Variants in NWD2 observed in about 807,000 individuals in gnomAD.
NWD2 encodes NACHT and WD repeat domain-containing protein 2.
NWD2 carries 37 observed loss-of-function variants against 132.7 expected under a neutral mutation model. The observed-to-expected ratio is 0.28, with a 90% CI of 0.21 to 0.37. NWD2 has a LOEUF of 0.37. NWD2 is among the 10% of genes least tolerant of loss of function. The pLI, the probability that NWD2 is intolerant of heterozygous loss-of-function variation, is 1.00. For missense variants in NWD2, 1,592 were observed against 2,122.4 expected, an observed-to-expected ratio of 0.75 and a Z score of 4.91; for synonymous variants, 705 against 803.0, an observed-to-expected ratio of 0.88 and a Z score of 2.06.
intron 1 of NWD2, among the ~76,000 whole-genome samples, chr4:37,302,329 T>A (rs1393285407): frequency 6.6e-6 from 1 of 150,566 alleles, no homozygotes; most frequent in African/African-American, 2.4e-5. Context: ...CTATTGAGTA[T>A]ATTTACCATA....
intron 3 of NWD2, among the ~76,000 whole-genome samples, chr4:37,426,568 T>C (rs1712013591): frequency 6.6e-6 from 1 of 152,240 alleles, no homozygotes; most frequent in Admixed American, 6.5e-5. Flanking sequence ...TAAATAGCTC[T>C]TGATTTTTGA....
intron 1 of NWD2, among the ~76,000 whole-genome samples, chr4:37,275,254 G>A (rs1330243113): frequency 2.6e-5 from 4 of 152,014 alleles, no homozygotes; most frequent in Admixed American, 6.6e-5. Flanking sequence ...AAATCAATGT[G>A]CAAAAATCAC....
intron 3 of NWD2, among the ~76,000 whole-genome samples, chr4:37,417,199 AAT>A (rs1200407656): frequency 1.3e-5 from 2 of 152,192 alleles, no homozygotes; most frequent in African/African-American, 4.8e-5. Context: ...TTAGTATGGT[AAT>A]ATTTATAAAA....
chr4:37,305,785 C>T (rs994286122), intron 1 of NWD2, among the ~76,000 whole-genome samples: 1 of 152,026 alleles, frequency 6.6e-6, no homozygotes, highest in Admixed American at 6.6e-5. Flanking sequence ...CTGTAGTTTT[C>T]TTTTTTGGCT....
rs559541552 is a variant in NWD2 at position 37,412,762 on chromosome 4, G to C, written c.358-17810G>C. ...AAGGCTACAGTAACCAAAACAGCAT[G>C]TTACTGTTACCAAAACAGATATATA... is the stretch of plus-strand genomic sequence containing the variant. On this transcript the variant is annotated intron_variant, in intron 3 of 6. Transcript: ENST00000309447. 2.0e-5 allele frequency among the ~76,000 whole-genome samples: 3 copies of C among 152,324 alleles called. No homozygotes were observed. In the East Asian group the frequency reaches 5.8e-4, roughly 29 times the overall value.
chr4:37,325,942 G>A lies in NWD2; in HGVS notation c.158G>A (p.Gly53Glu). 6.5e-7 allele frequency: 1 copy of A among 1,541,402 alleles called. No homozygotes were observed. The highest frequency in any genetic ancestry group is 8.8e-7 in the Non-Finnish European group (1 of 1,138,238). ...GTTTGTCTTTCTACTACAGATACGG[G>A]AGCAGAAAGACAGGCGCTAAGAGAA... ...VFISANPEDT[G>E]AERQALRENV... The change falls in exon 2 of 7, where the codon GGA becomes GAA. Residue 53 changes from glycine to glutamate, a missense_variant. Physicochemically the swap from Gly to Glu is moderately conservative, Grantham distance 98. Transcript: ENST00000309447.
At chr4:37,400,558 CA>C (rs1327874520) in intron 3 of NWD2, among the ~76,000 whole-genome samples, 2 of 152,184 alleles carry the variant, frequency 1.3e-5, no homozygotes, top group African/African-American at 4.8e-5. Context: ...TAAGAATTCT[CA>C]AACATTTCAT....
intron 3 of NWD2, among the ~76,000 whole-genome samples, chr4:37,419,710 A>T (rs1007873093): frequency 2.0e-5 from 3 of 152,314 alleles, no homozygotes; most frequent in South Asian, 4.1e-4. Context: ...AGTTTCTCAG[A>T]ATTAGAAAAA....
Position 37,439,201 on chromosome 4 carries a change from C to G in NWD2, c.1107C>G (p.Leu369=), listed in dbSNP as rs767912696. The change falls in exon 6 of 7, where the codon CTC becomes CTG. Residue 369 remains leucine, a synonymous_variant. Transcript: ENST00000309447. The surrounding 1 kb of genome is among the most constrained non-coding windows in gnomAD (Gnocchi z 4.5). ...ATTTTGACACTGAAACTGATACACT[C>G]TATGATGAAATCCTTCAACATTCAT... ...QQNFDTETDT[L]YDEILQHSSL... 6.4e-7 allele frequency: 1 copy of G among 1,550,520 alleles called. No homozygotes were observed. Among genetic ancestry groups the G allele is most frequent in the Non-Finnish European group, 8.7e-7 (1 of 1,146,510 alleles).
rs1327178225 is a variant in NWD2 at position 37,439,254 on chromosome 4, A to G, written c.1160A>G (p.Tyr387Cys). 6.4e-7 allele frequency: 1 copy of G among 1,551,258 alleles called. No individual in the cohort carries two copies. The change falls in exon 6 of 7, where the codon TAT becomes TGT. Residue 387 changes from tyrosine to cysteine, a missense_variant. Transcript: ENST00000309447. This position sits in a 1 kb window ranked among gnomAD's most constrained non-coding sequence, Gnocchi z 4.5. ...SSLCKTYASF[Y>C]EYKCESLNIV... ...TTATGTAAAACATACGCCTCCTTCT[A>G]TGAGTACAAATGTGAATCTCTAAAC...
intron 1 of NWD2, among the ~76,000 whole-genome samples, chr4:37,297,992 G>C (rs1415835225): frequency 6.6e-6 from 1 of 152,048 alleles, no homozygotes; most frequent in Non-Finnish European, 1.5e-5. Context: ...GATGTTTCTT[G>C]GCCACTGCAA....
At chr4:37,264,553 G>A (rs1560380102) in intron 1 of NWD2, among the ~76,000 whole-genome samples, 1 of 152,076 alleles carries the variant, frequency 6.6e-6, no homozygotes, top group Non-Finnish European at 1.5e-5. Flanking sequence ...ATTTCAATCT[G>A]TATTTGAAAG....
At chr4:37,370,039 GGATT>G (rs1720183747) in intron 3 of NWD2, among the ~76,000 whole-genome samples, 1 of 152,116 alleles carries the variant, frequency 6.6e-6, no homozygotes, top group Non-Finnish European at 1.5e-5. Context: ...TGGAATTGTA[GGATT>G]ATTACTGCTC....
intron 3 of NWD2, among the ~76,000 whole-genome samples, chr4:37,359,315 C>T (rs1410598549): frequency 6.6e-6 from 1 of 152,082 alleles, no homozygotes; most frequent in Admixed American, 6.6e-5. Flanking sequence ...TAAAACCCTG[C>T]AGATAGAGCT....
Position 37,433,977 on chromosome 4 carries a change from G to A in NWD2, c.663G>A (p.Lys221=). 6.4e-7 allele frequency: 1 copy of A among 1,550,606 alleles called. No homozygotes were observed. Residue 221 remains lysine, a synonymous_variant, in exon 5 of 7, where the codon AAG becomes AAA. Transcript: ENST00000309447. Reference sequence around the variant, plus strand: ...CTGCTGTAAAGCTGTTACACGAAAAGGGTAAAATGAAACACAGCCAGGCTA... The same window carrying A: ...CTGCTGTAAAGCTGTTACACGAAAAAGGTAAAATGAAACACAGCCAGGCTA... ...FKAAVKLLHE[K]GKMKHSQAKR...
At chr4:37,422,704 A>G (rs1054781769) in intron 3 of NWD2, among the ~76,000 whole-genome samples, 2 of 152,182 alleles carry the variant, frequency 1.3e-5, no homozygotes, top group African/African-American at 4.8e-5. Context: ...GATTCTCATG[A>G]TGCACCAGAG....
At chr4:37,357,331 G>A (rs181407894) in intron 3 of NWD2, among the ~76,000 whole-genome samples, 6 of 152,120 alleles carry the variant, frequency 3.9e-5, no homozygotes. Flanking sequence ...CAGCAAAAGT[G>A]TTCTTAATAT....
intron 3 of NWD2, among the ~76,000 whole-genome samples, chr4:37,394,806 T>TTTGTTTTGTTTTG (rs1406834562): frequency 0.2 from 20,362 of 100,390 alleles, 3,600 homozygotes; most frequent in Admixed American, 0.26. Context: ...ATGGTTTTTT[T>TTTGTTTTGTTTTG]TTTTTTTTTT....
At chr4:37,383,889 T>A (rs1161200413) in intron 3 of NWD2, among the ~76,000 whole-genome samples, 1 of 152,204 alleles carries the variant, frequency 6.6e-6, no homozygotes, top group Non-Finnish European at 1.5e-5. Context: ...TGGGCCCAGG[T>A]CACCCTTTCT....
Sources: gnomAD v4.1 joint callset for allele counts (sites outside exome capture counted in the v4.1 genomes callset) on GRCh38, gnomAD v4.1.1 for gene constraint, Gnocchi (gnomAD v3.1) non-coding constraint, MANE v1.5 for transcripts, NCBI Gene and HGNC (gene_info 2026-07-23, HGNC 2026-07-21) for gene names.